CPQ: variants seen among roughly 807,000 people sequenced by gnomAD.
CPQ encodes the protein Ser-Met dipeptidase.
CPQ carries 37 observed loss-of-function variants against 45.7 expected under a neutral mutation model. That is an observed-to-expected ratio of 0.81 (90% CI 0.62 to 1.07). The LOEUF (loss-of-function observed/expected upper bound fraction) is 1.07, where lower values mean the gene tolerates loss of function less well. Ranked by LOEUF, CPQ falls within the 50% of genes least tolerant of loss-of-function variation. CPQ has a pLI of 0.00. For synonymous variants in CPQ, 186 were observed against 205.8 expected, an observed-to-expected ratio of 0.90 and a Z score of 0.82; for missense variants, 537 against 572.9, an observed-to-expected ratio of 0.94 and a Z score of 0.64.
At chr8:96,734,155 C>T (rs1809947916) in intron 1 of CPQ, among the ~76,000 whole-genome samples, 1 of 152,136 alleles carries the variant, frequency 6.6e-6, no homozygotes, top group Admixed American at 6.5e-5. Context: ...ATTTGAGACA[C>T]ATCATCTTCC....
rs1812519160 is a variant in CPQ, at chr8:96,902,098, T to A, written c.849+22093T>A. Among the ~76,000 whole-genome samples the A allele has an allele frequency of 2.0e-5, 3 of 151,370 alleles. No homozygotes were observed. The South Asian group carries it at 6.3e-4, about 32-fold the overall frequency. ...AGATATCCAAAGCATGGAAGGAGGG[T>A]CAGTCAAGGCAATGAGGGATAGACT... is the stretch of plus-strand genomic sequence containing the variant. On this transcript the variant is annotated intron_variant, in intron 4 of 7. Transcript: ENST00000220763.
intron 1 of CPQ, among the ~76,000 whole-genome samples, chr8:96,745,979 T>G (rs1179715640): frequency 6.6e-6 from 1 of 152,214 alleles, no homozygotes; most frequent in East Asian, 1.9e-4. Flanking sequence ...TTATTGAAAC[T>G]GTGCCAGAGC....
chr8:96,897,716 C>A lies in CPQ; in HGVS notation c.849+17711C>A, dbSNP rs557039171. Among the ~76,000 whole-genome samples, 300 of 152,250 alleles carry A rather than the reference C, an allele frequency of 2.0e-3. 2 individuals carry two copies. Among genetic ancestry groups the A allele is most frequent in the African/African-American group, 6.7e-3 (279 of 41,544 alleles). On this transcript the variant is annotated intron_variant, in intron 4 of 7. Coordinates refer to ENST00000220763, the MANE Select transcript of CPQ (RefSeq NM_016134.4). ...TATGTATATGCAAATATTCCAAAAT[C>A]TGAAAATTCCAAAATCCAAACATTT...
At chr8:96,900,109 A>T (rs1330356925) in intron 4 of CPQ, among the ~76,000 whole-genome samples, 1 of 152,206 alleles carries the variant, frequency 6.6e-6, no homozygotes, top group African/African-American at 2.4e-5. Context: ...TACAGTTGAG[A>T]AAAGGGGGCT....
chr8:97,045,194 G>A (rs967815943), intron 6 of CPQ, among the ~76,000 whole-genome samples: 5 of 152,172 alleles, frequency 3.3e-5, no homozygotes, highest in Non-Finnish European at 5.9e-5. Context: ...GGCAATGGTG[G>A]GCGCCCCTCC....
chr8:96,857,375 TC>T lies in CPQ; in HGVS notation c.641+22197del, dbSNP rs1811865016. ...TCTACTTAAGGAACACAGTGAGATC[TC>T]CTCTTATGAAGTCATTTCTCCCATG... On this transcript the variant is annotated intron_variant, in intron 3 of 7. Transcript: ENST00000220763. Among the ~76,000 whole-genome samples, 3 of 152,286 alleles carry T rather than the reference TC, an allele frequency of 2.0e-5. 1 individual carries two copies. The South Asian group carries it at 6.2e-4, about 32-fold the overall frequency.
chr8:97,089,059 C>T (rs1039940843), intron 7 of CPQ, among the ~76,000 whole-genome samples: 1 of 151,968 alleles, frequency 6.6e-6, no homozygotes, highest in Non-Finnish European at 1.5e-5. Flanking sequence ...ACCTGACCAA[C>T]ATGGAGAAAC....
At chr8:97,070,369 C>T (rs953173993) in intron 7 of CPQ, among the ~76,000 whole-genome samples, 2 of 152,144 alleles carry the variant, frequency 1.3e-5, no homozygotes, top group African/African-American at 4.8e-5. Context: ...CATCCTGCTG[C>T]CTATATGCAG....
intron 7 of CPQ, among the ~76,000 whole-genome samples, chr8:97,135,854 C>G (rs1470937289): frequency 1.3e-5 from 2 of 152,164 alleles, no homozygotes; most frequent in African/African-American, 4.8e-5. Context: ...TGCTTTCAAA[C>G]GTCTTTCAAA....
At chr8:96,661,464 C>T (rs1815701262) in intron 1 of CPQ, among the ~76,000 whole-genome samples, 2 of 152,146 alleles carry the variant, frequency 1.3e-5, no homozygotes, top group South Asian at 4.1e-4. Context: ...CCCCTCACTC[C>T]TGGCAACTAC....
chr8:97,051,930 TC>T (rs1294781299), intron 6 of CPQ, among the ~76,000 whole-genome samples: 1 of 152,116 alleles, frequency 6.6e-6, no homozygotes, highest in Non-Finnish European at 1.5e-5. Context: ...CACTTGCACA[TC>T]CTTTAAACAC....
chr8:96,947,425 C>A (rs1813206088), intron 4 of CPQ, among the ~76,000 whole-genome samples: 2 of 152,254 alleles, frequency 1.3e-5, no homozygotes, highest in African/African-American at 4.8e-5. Flanking sequence ...GTCTGTATGA[C>A]TGTCATTATG....
intron 5 of CPQ, among the ~76,000 whole-genome samples, chr8:97,027,747 A>G (rs967126170): frequency 5.3e-5 from 8 of 152,222 alleles, no homozygotes; most frequent in African/African-American, 1.9e-4. Context: ...CTTCATTACC[A>G]TTTATTGGGC....
At chr8:97,092,713 A>C (rs948730435) in intron 7 of CPQ, 1 of 152,200 alleles carries the variant, frequency 6.6e-6, no homozygotes, top group Non-Finnish European at 1.5e-5. Flanking sequence ...TAAAATTATA[A>C]AAATCCTACA....
intron 7 of CPQ, among the ~76,000 whole-genome samples, chr8:97,136,540 CA>C (rs1812062391): frequency 6.6e-6 from 1 of 152,140 alleles, no homozygotes; most frequent in Admixed American, 6.5e-5. Flanking sequence ...CAAAGTCACC[CA>C]GGTTTTAAGC....
intron 5 of CPQ, among the ~76,000 whole-genome samples, chr8:96,988,843 TTGTTTAGTG>T (rs1809037084): frequency 6.6e-6 from 1 of 152,234 alleles, no homozygotes; most frequent in South Asian, 2.1e-4. Flanking sequence ...ATGCTTTCCC[TTGTTTAGTG>T]TGTATATGTG....
chr8:96,818,008 T>C (rs753200879), intron 2 of CPQ, among the ~76,000 whole-genome samples: 7 of 152,096 alleles, frequency 4.6e-5, no homozygotes, highest in Non-Finnish European at 1.0e-4. Flanking sequence ...CTATCTTGGC[T>C]ATTGACATGC....
At chr8:97,097,131 A>G (rs994051298) in intron 7 of CPQ, among the ~76,000 whole-genome samples, 7 of 152,206 alleles carry the variant, frequency 4.6e-5, no homozygotes, top group African/African-American at 1.4e-4. Flanking sequence ...CTTCTGCTGT[A>G]TGAACTTCTC....
chr8:97,108,189 G>A lies in CPQ; in HGVS notation c.1256-34831G>A, dbSNP rs527576347. On this transcript the variant is annotated intron_variant, in intron 7 of 7. Transcript: ENST00000220763. ...AATGCACTGTTTTTAAGTATATAAA[G>A]TACTAATATTCCATGTTGTATAGCT... 9.2e-5 allele frequency among the ~76,000 whole-genome samples: 14 copies of A among 152,286 alleles called. No individual in the cohort carries two copies. The East Asian group carries it at 2.7e-3, about 29-fold the overall frequency.
Sources: allele counts gnomAD v4.1 joint callset (sites outside exome capture counted in the v4.1 genomes callset), GRCh38; gene constraint gnomAD v4.1.1; transcripts MANE v1.5; gene names NCBI Gene and HGNC (gene_info 2026-07-23, HGNC 2026-07-21).